POT1: variants seen among roughly 807,000 people sequenced by gnomAD.
POT1 encodes the protein protection of telomeres 1, also known as protection of telomeres protein 1.
A neutral mutation model predicts 78.5 loss-of-function variants in POT1; 47 were observed. That is an observed-to-expected ratio of 0.60 (90% CI 0.47 to 0.76). The LOEUF (loss-of-function observed/expected upper bound fraction) is 0.76. Among genes scored for constraint, POT1 ranks in the 30% least tolerant of loss-of-function variants. The pLI is 0.00. For missense variants in POT1, 646 were observed against 749.9 expected, an observed-to-expected ratio of 0.86 and a Z score of 1.62; for synonymous variants, 259 against 260.7, an observed-to-expected ratio of 0.99 and a Z score of 0.06.
intron 3 of POT1, among the ~76,000 whole-genome samples, chr7:124,907,059 C>T (rs1563016847): frequency 6.6e-6 from 1 of 151,918 alleles, no homozygotes; most frequent in African/African-American, 2.4e-5. Flanking sequence ...ATGTTTAACT[C>T]AATTGGGTGA....
chr7:124,851,829 A>C (rs765101219), intron 11 of POT1, 43 bp downstream of exon 11: 56 of 1,302,176 alleles, frequency 4.3e-5, no homozygotes, highest in Middle Eastern at 2.0e-4. Flanking sequence ...AAACTATTTT[A>C]TTTAGCAAGA....
chr7:124,877,338 C>T (rs1389498476), intron 6 of POT1, among the ~76,000 whole-genome samples: 5 of 152,012 alleles, frequency 3.3e-5, no homozygotes, highest in African/African-American at 4.8e-5. Flanking sequence ...AGATTTTGGC[C>T]AATCAGATAT....
In POT1 at chr7:124,871,016, C is replaced by T. The variant is rs1795855228; in HGVS notation, c.150G>A (p.Val50=). The T allele has an allele frequency of 6.2e-7, 1 of 1,607,610 alleles. No individual in the cohort carries two copies. The highest frequency in any genetic ancestry group is 8.5e-7 in the Non-Finnish European group (1 of 1,176,176). The part of the protein sequence containing the change: ...GTDYCSVVTI[V]DQTNVKLTCL... Reference sequence around the variant, plus strand: ...AAGTTAGTTTTACATTTGTCTGGTCCACAATAGTTACAACTGAGCAATAAT... The same window carrying T: ...AAGTTAGTTTTACATTTGTCTGGTCTACAATAGTTACAACTGAGCAATAAT... The change falls in exon 7 of 19, where the codon GTG becomes GTA. Residue 50 remains valine, a synonymous_variant. Coordinates refer to ENST00000357628, the MANE Select transcript of POT1 (RefSeq NM_015450.3).
At chr7:124,880,529 G>A (rs190704924) in intron 6 of POT1, among the ~76,000 whole-genome samples, 141 of 152,120 alleles carry the variant, frequency 9.3e-4, no homozygotes, top group African/African-American at 3.2e-3. Flanking sequence ...ATTGAAGAAT[G>A]TAATGACTAC....
chr7:124,918,456 C>T (rs912659743), intron 2 of POT1, among the ~76,000 whole-genome samples: 7 of 152,170 alleles, frequency 4.6e-5, no homozygotes, highest in African/African-American at 1.7e-4. Flanking sequence ...GTGTGACTTG[C>T]ACCTAGGAGT....
At chr7:124,892,608 A>G (rs1584792206) in intron 5 of POT1, 2 of 307,260 alleles carry the variant, frequency 6.5e-6, no homozygotes, top group Middle Eastern at 9.0e-4. Context: ...ATAAAGGCAT[A>G]ACCTATAATC....
At chr7:124,861,986 A>G (rs544776680) in intron 8 of POT1, among the ~76,000 whole-genome samples, 4 of 152,246 alleles carry the variant, frequency 2.6e-5, no homozygotes, top group East Asian at 3.9e-4. Flanking sequence ...TAGCAGTACA[A>G]TGCTTTTTTG....
intron 3 of POT1, among the ~76,000 whole-genome samples, chr7:124,914,483 C>A (rs1323383970): frequency 6.6e-6 from 1 of 152,012 alleles, no homozygotes; most frequent in African/African-American, 2.4e-5. Flanking sequence ...ATGTACAAGG[C>A]ACTAACCACA....
chr7:124,827,560 C>T (rs1794662122), intron 16 of POT1, among the ~76,000 whole-genome samples: 1 of 152,182 alleles, frequency 6.6e-6, no homozygotes, highest in South Asian at 2.1e-4. Context: ...TCACATAAGT[C>T]TTCTGCGCTG....
At chr7:124,824,180 T>C (rs1398372329) in intron 18 of POT1, 106 bp from the exon 19 acceptor site, 2 of 656,854 alleles carry the variant, frequency 3.0e-6, no homozygotes, top group African/African-American at 3.8e-5. Flanking sequence ...TAACATTTAT[T>C]TTGGCTTGAA....
intron 7 of POT1, among the ~76,000 whole-genome samples, chr7:124,863,850 T>C (rs1795659087): frequency 1.3e-5 from 2 of 152,150 alleles, no homozygotes; most frequent in African/African-American, 4.8e-5. Context: ...TCATGGAAAC[T>C]GTGAACCTCC....
At chr7:124,845,632 AT>A (rs1010842259) in intron 12 of POT1, among the ~76,000 whole-genome samples, 1 of 152,090 alleles carries the variant, frequency 6.6e-6, no homozygotes, top group East Asian at 1.9e-4. Flanking sequence ...TAAATATCTT[AT>A]TTTTCATCAA....
At position 124,843,122 on chromosome 7, in the gene POT1, C is replaced by T. The variant is rs541133551; in HGVS notation, c.1007-159G>A. On this transcript the variant is annotated intron_variant, in intron 12 of 18. Coordinates refer to ENST00000357628, the MANE Select transcript of POT1 (RefSeq NM_015450.3). Reference sequence around the variant, plus strand: ...TATGTCTTTATTCCCTGATGTATACCCAAGGCCCACTAGCATAGTGCCAGG... The same window carrying T: ...TATGTCTTTATTCCCTGATGTATACTCAAGGCCCACTAGCATAGTGCCAGG... 99 of 488,158 alleles carry T rather than the reference C, an allele frequency of 2.0e-4. 3 individuals are homozygous for T. In the Admixed American group the frequency reaches 3.8e-3, roughly 19 times the overall value. 30.2% of individuals were successfully genotyped at this position (488,158 alleles called of 1,614,324 possible).
intron 6 of POT1, among the ~76,000 whole-genome samples, chr7:124,885,660 G>A (rs1391136595): frequency 1.3e-5 from 2 of 152,124 alleles, no homozygotes; most frequent in South Asian, 4.1e-4. Context: ...CAGCTACTCA[G>A]GAGGCTGAGG....
chr7:124,850,767 G>C (rs1410528564), intron 11 of POT1, among the ~76,000 whole-genome samples: 2 of 151,664 alleles, frequency 1.3e-5, no homozygotes, highest in Non-Finnish European at 2.9e-5. Context: ...ACAAACAAAA[G>C]AATTAAATAA....
intron 2 of POT1, among the ~76,000 whole-genome samples, chr7:124,918,147 C>T (rs1797063614): frequency 1.3e-5 from 2 of 152,174 alleles, no homozygotes; most frequent in African/African-American, 4.8e-5. Flanking sequence ...CTTCCAAATG[C>T]CATCCATAAC....
At chr7:124,887,890 T>C (rs1796283210) in intron 6 of POT1, among the ~76,000 whole-genome samples, 1 of 152,138 alleles carries the variant, frequency 6.6e-6, no homozygotes, top group South Asian at 2.1e-4. Context: ...CTGAAATTCA[T>C]GGCTTTTGAT....
chr7:124,843,146 G>A (rs903238124), intron 12 of POT1, 183 bp from the exon 13 acceptor site: 1 of 415,880 alleles, frequency 2.4e-6, no homozygotes, highest in Non-Finnish European at 4.2e-6. Context: ...CATAGTGCCA[G>A]GCACAGTAGG....
chr7:124,915,368 A>G (rs1377255961), intron 3 of POT1, among the ~76,000 whole-genome samples: 1 of 152,208 alleles, frequency 6.6e-6, no homozygotes, highest in African/African-American at 2.4e-5. Flanking sequence ...TCTATGTAAC[A>G]TGTTAAAAGC....
Sources: allele counts gnomAD v4.1 joint callset (sites outside exome capture counted in the v4.1 genomes callset), GRCh38; gene constraint gnomAD v4.1.1; transcripts MANE v1.5; gene names NCBI Gene and HGNC (gene_info 2026-07-23, HGNC 2026-07-21).